The following CCDC102B variants were observed in gnomAD, a reference collection of about 807,000 sequenced individuals.
CCDC102B encodes coiled-coil domain-containing protein 102B.
A neutral mutation model predicts 57.4 loss-of-function variants in CCDC102B; 75 were observed. The observed-to-expected ratio is 1.31, with a 90% CI of 1.08 to 1.58. The LOEUF (loss-of-function observed/expected upper bound fraction) is 1.58, where lower values mean the gene tolerates loss of function less well. Among genes scored for constraint, CCDC102B ranks in the 40% most tolerant of loss-of-function variants. The probability of loss-of-function intolerance (pLI) is 0.00; values close to 1 mark genes in which losing one functional copy is unlikely to be tolerated. For missense variants in CCDC102B, 636 were observed against 582.6 expected, an observed-to-expected ratio of 1.09 and a Z score of -0.94; for synonymous variants, 206 against 201.9, an observed-to-expected ratio of 1.02 and a Z score of -0.17.
chr18:69,051,550 A>G (rs1314369262), intron 7 of CCDC102B, among the ~76,000 whole-genome samples: 1 of 152,044 alleles, frequency 6.6e-6, no homozygotes, highest in African/African-American at 2.4e-5. Context: ...TGAAATTTAT[A>G]AAGAATCAAG....
chr18:68,901,661 C>G (rs1042100908), intron 6 of CCDC102B, among the ~76,000 whole-genome samples: 1 of 152,158 alleles, frequency 6.6e-6, no homozygotes, highest in Non-Finnish European at 1.5e-5. Flanking sequence ...TTGCACATAT[C>G]CTGTGGATCT....
intron 2 of CCDC102B, among the ~76,000 whole-genome samples, chr18:68,755,497 A>C (rs907385760): frequency 6.6e-6 from 1 of 152,190 alleles, no homozygotes; most frequent in African/African-American, 2.4e-5. Flanking sequence ...CTGCTGTAAT[A>C]ATTTTATTAT....
intron 6 of CCDC102B, among the ~76,000 whole-genome samples, chr18:69,008,026 G>C (rs1365441727): frequency 6.6e-6 from 1 of 152,224 alleles, no homozygotes; most frequent in Non-Finnish European, 1.5e-5. Flanking sequence ...ACAAGGTCAT[G>C]TAATTGTAAC....
chr18:68,928,926 G>C (rs1341180749), intron 6 of CCDC102B, among the ~76,000 whole-genome samples: 1 of 151,796 alleles, frequency 6.6e-6, no homozygotes, highest in Non-Finnish European at 1.5e-5. Flanking sequence ...GGAGAAATTA[G>C]GGTGGAAAGC....
At chr18:68,880,461 G>A (rs532149615) in intron 5 of CCDC102B, among the ~76,000 whole-genome samples, 28 of 152,364 alleles carry the variant, frequency 1.8e-4, no homozygotes, top group African/African-American at 5.8e-4. Context: ...GCGGTGGGCT[G>A]AAGGGCTCCT....
chr18:68,770,365 T>C (rs2034600041), intron 2 of CCDC102B, among the ~76,000 whole-genome samples: 1 of 152,202 alleles, frequency 6.6e-6, no homozygotes. Context: ...AAAATTAGCA[T>C]TTATTTCTTA....
intron 6 of CCDC102B, among the ~76,000 whole-genome samples, chr18:68,943,245 T>G (rs1455125666): frequency 6.6e-6 from 1 of 152,062 alleles, no homozygotes; most frequent in Non-Finnish European, 1.5e-5. Context: ...AAGAGAGAGA[T>G]TACTGTTTAT....
At chr18:68,897,548 C>A (rs1421425798) in intron 6 of CCDC102B, 120 bp downstream of exon 6, 1 of 1,551,480 alleles carries the variant, frequency 6.4e-7, no homozygotes, top group East Asian at 2.3e-5. Context: ...CCAGCTAATA[C>A]CTGATACTCC....
intron 6 of CCDC102B, among the ~76,000 whole-genome samples, chr18:68,956,387 A>AT (rs1568352021): frequency 2.1e-5 from 1 of 47,366 alleles, no homozygotes; most frequent in Non-Finnish European, 5.0e-5. Flanking sequence ...TATAATATAT[A>AT]ATATATATAT....
intron 1 of CCDC102B, among the ~76,000 whole-genome samples, chr18:68,826,731 A>G (rs976188720): frequency 6.6e-6 from 1 of 152,198 alleles, no homozygotes; most frequent in African/African-American, 2.4e-5. Context: ...TCTGAGGTTA[A>G]GGAAACATAT....
At chr18:68,736,941 TGCTCGACAG>T (rs1319118936) in intron 2 of CCDC102B, among the ~76,000 whole-genome samples, 1 of 151,960 alleles carries the variant, frequency 6.6e-6, no homozygotes, top group Non-Finnish European at 1.5e-5. Context: ...TCACTTCAGG[TGCTCGACAG>T]GTGTGTGTGG....
intron 6 of CCDC102B, among the ~76,000 whole-genome samples, chr18:68,939,784 T>TA (rs2049331817): frequency 6.6e-6 from 1 of 151,796 alleles, no homozygotes; most frequent in Non-Finnish European, 1.5e-5. Context: ...AAAACTTGAA[T>TA]AAAAATTACC....
rs574936136 is a variant in CCDC102B at position 68,928,238 on chromosome 18, A to T, written c.1263+30810A>T. ...TTTCGAGTACTATACGGATCAGGAC[A>T]TTGGAGACATCGCCTGGATTATCAG... On this transcript the variant is annotated intron_variant, in intron 6 of 7. Coordinates refer to ENST00000360242, the MANE Select transcript of CCDC102B (RefSeq NM_024781.3). 2.6e-5 allele frequency among the ~76,000 whole-genome samples: 4 copies of T among 152,082 alleles called. No individual in the cohort carries two copies. The East Asian group carries it at 5.8e-4, about 22-fold the overall frequency.
At chr18:68,968,363 G>A (rs1182915306) in intron 6 of CCDC102B, among the ~76,000 whole-genome samples, 1 of 152,092 alleles carries the variant, frequency 6.6e-6, no homozygotes, top group Non-Finnish European at 1.5e-5. Flanking sequence ...CACTAACTTT[G>A]CTTTAAACTT....
chr18:68,774,269 T>C (rs2034738293), intron 2 of CCDC102B, among the ~76,000 whole-genome samples: 1 of 151,622 alleles, frequency 6.6e-6, no homozygotes, highest in African/African-American at 2.4e-5. Context: ...AGTATATAAA[T>C]GTATATGTAT....
At chr18:68,956,331 T>A (rs368684777) in intron 6 of CCDC102B, among the ~76,000 whole-genome samples, 2 of 16,702 alleles carry the variant, frequency 1.2e-4, no homozygotes, top group African/African-American at 7.0e-4. Context: ...TTTATATATA[T>A]TATATATAAT....
In CCDC102B at chr18:68,924,503, C is replaced by T. The variant is rs548857563; in HGVS notation, c.1263+27075C>T. ...TATGCTGAACTGTGAGTCAATTAAA[C>T]CTCTTTCCTTTATAAATTACCCAGT... On this transcript the variant is annotated intron_variant, in intron 6 of 7. Transcript: ENST00000360242. Among the ~76,000 whole-genome samples, 3 of 152,182 alleles carry T rather than the reference C, an allele frequency of 2.0e-5. No individual in the cohort carries two copies. In the South Asian group the frequency reaches 6.2e-4, roughly 32 times the overall value.
At chr18:68,742,767 T>C (rs567334320) in intron 2 of CCDC102B, among the ~76,000 whole-genome samples, 15 of 152,306 alleles carry the variant, frequency 9.8e-5, no homozygotes, top group African/African-American at 3.4e-4. Flanking sequence ...CTTCATTAAC[T>C]TCATTAGAGG....
intron 1 of CCDC102B, among the ~76,000 whole-genome samples, chr18:68,833,306 A>G (rs73460033): frequency 0.012 from 1,873 of 152,082 alleles, 37 homozygotes; most frequent in African/African-American, 0.043. Flanking sequence ...TGATATCAAC[A>G]TTATATAGAA....
Sources: gnomAD v4.1 joint callset for allele counts (sites outside exome capture counted in the v4.1 genomes callset) on GRCh38, gnomAD v4.1.1 for gene constraint, MANE v1.5 for transcripts, NCBI Gene and HGNC (gene_info 2026-07-23, HGNC 2026-07-21) for gene names.